Variants in ALG10B observed in about 807,000 individuals in gnomAD.
The protein encoded by ALG10B is ALG10 alpha-1,2-glucosyltransferase B.
A neutral mutation model predicts 38.7 loss-of-function variants in ALG10B; 27 were observed. The ratio of observed to expected loss-of-function variants is 0.70; its 90% CI spans 0.51 to 0.96. ALG10B has a LOEUF of 0.96. ALG10B is among the 40% of genes least tolerant of loss of function. The pLI, the probability that ALG10B is intolerant of heterozygous loss-of-function variation, is 0.00. For missense variants in ALG10B, 522 were observed against 542.7 expected (o/e 0.96, Z 0.38); for synonymous variants, 177 against 193.3 (o/e 0.92, Z 0.70).
At position 38,319,969 on chromosome 12, in the gene ALG10B, A is replaced by T. The variant is rs544609551; in HGVS notation, c.370-192A>T. Reference sequence around the variant, plus strand: ...GGTCTCCAAACTGATAGGTATAAATAAAAAGTACCAGGAAGTGTTCTTATA... The same window carrying T: ...GGTCTCCAAACTGATAGGTATAAATTAAAAGTACCAGGAAGTGTTCTTATA... On this transcript the variant is annotated intron_variant, in intron 2 of 2. Transcript: ENST00000308742. 7.9e-5 allele frequency among the ~76,000 whole-genome samples: 12 copies of T among 152,374 alleles called. No individual in the cohort carries two copies. The South Asian group carries it at 2.5e-3, about 32-fold the overall frequency.
In ALG10B at chr12:38,320,212, C is replaced by G; in HGVS notation, c.421C>G (p.Pro141Ala). Residue 141 changes from proline (P) to alanine (A), a missense_variant, in exon 3 of 3, where the codon CCA becomes GCA. Transcript: ENST00000308742. The part of the protein sequence containing the change: ...VLSTLTLAVF[P>A]TLYFFNFLYY... ...GTCAACATTAACACTAGCAGTATTT[C>G]CAACACTTTATTTTTTTAACTTCCT... 6.2e-7 allele frequency: 1 copy of G among 1,613,976 alleles called. No homozygotes were observed. The highest frequency in any genetic ancestry group is 1.1e-5 in the South Asian group (1 of 91,078).
chr12:38,317,686 A>G (rs1257979813), intron 1 of ALG10B: 2 of 175,046 alleles, frequency 1.1e-5, no homozygotes, highest in African/African-American at 4.8e-5. Context: ...CTGGCTAGAA[A>G]TATAAAGTCT....
Position 38,329,491 on chromosome 12 carries a change from G to A in ALG10B, c.*8278G>A. The A allele has an allele frequency of 9.1e-6, 3 of 328,206 alleles. No individual in the cohort carries two copies. The highest frequency in any genetic ancestry group is 1.6e-5 in the Non-Finnish European group (3 of 182,934). 20.3% of individuals were successfully genotyped at this position (328,206 alleles called of 1,614,324 possible). ...ACTTTAGATATTTGAAAAATTCTCT[G>A]TGGAATCACAATCTCTTATTTTTAA... On this transcript the variant is annotated 3_prime_UTR_variant, in exon 3 of 3. Coordinates refer to ENST00000308742, the MANE Select transcript of ALG10B (RefSeq NM_001013620.4).
At position 38,329,703 on chromosome 12, in the gene ALG10B, AAATTC is replaced by A. The variant is rs1186063987; in HGVS notation, c.*8492_*8496del. On this transcript the variant is annotated 3_prime_UTR_variant, in exon 3 of 3. Transcript: ENST00000308742. ...GCATGTTTTTATTTTGTTTCTAAAT[AAATTC>A]ATGTTTGATAATATTTTATAATGTG... The A allele has an allele frequency of 2.0e-5, 3 of 152,282 alleles. No homozygotes were observed. The highest frequency in any genetic ancestry group is 4.4e-5 in the Non-Finnish European group (3 of 68,202). The allele number at this position is 152,282 out of a possible 1,614,324, so 9.4% of individuals were successfully genotyped here. A position where few individuals can be genotyped will look rare whatever the true frequency, so the allele number is the denominator to read the frequency against.
chr12:38,318,831 G>A (rs1294446895), intron 2 of ALG10B, among the ~76,000 whole-genome samples: 1 of 152,154 alleles, frequency 6.6e-6, no homozygotes, highest in Non-Finnish European at 1.5e-5. Context: ...CTTTTGATGT[G>A]GTAATAGTGC....
In ALG10B at chr12:38,326,011, C is replaced by A. The variant is rs1320575675; in HGVS notation, c.*4798C>A. The A allele has an allele frequency of 3.3e-5, 5 of 152,024 alleles. No homozygotes were observed. The highest frequency in any genetic ancestry group is 1.2e-4 in the African/African-American group (5 of 41,418). The allele number at this position is 152,024 out of a possible 1,614,324, so 9.4% of individuals were successfully genotyped here. A position where few individuals can be genotyped will look rare whatever the true frequency, so the allele number is the denominator to read the frequency against. Reference sequence around the variant, plus strand: ...GTTTCATAATAAGAGTCATCCTAAACATTTTTCTGTGTAATTTTCTGACCC... The same window carrying A: ...GTTTCATAATAAGAGTCATCCTAAAAATTTTTCTGTGTAATTTTCTGACCC... On this transcript the variant is annotated 3_prime_UTR_variant, in exon 3 of 3. Transcript: ENST00000308742.
rs1945746024 is a variant in ALG10B at position 38,326,516 on chromosome 12, A to G, written c.*5303A>G. On this transcript the variant is annotated 3_prime_UTR_variant, in exon 3 of 3. Coordinates refer to ENST00000308742, the MANE Select transcript of ALG10B (RefSeq NM_001013620.4). ...CCTATTAAGGGTATAATTTCAAAAT[A>G]ATTGCTTTTTATTTAAAATAAGAAA... 2 of 87,360 alleles carry G rather than the reference A, an allele frequency of 2.3e-5. No homozygotes were observed. The highest frequency in any genetic ancestry group is 5.2e-4 in the East Asian group (1 of 1,924). 5.4% of individuals were successfully genotyped at this position (87,360 alleles called of 1,614,324 possible).
In ALG10B at chr12:38,320,833, C is replaced by G; in HGVS notation, c.1042C>G (p.Leu348Val). The stretch of plus-strand genomic sequence containing the variant: ...ATTCACTTATGCTCATAAATACTTG[C>G]TAGCAGACAATAGACATTATACTTT... Reference protein sequence around the residue: ...WKFTYAHKYLLADNRHYTFYV... With the variant: ...WKFTYAHKYLVADNRHYTFYV... Residue 348 changes from leucine (L) to valine (V), a missense_variant, in exon 3 of 3, where the codon CTA becomes GTA. Coordinates refer to ENST00000308742, the MANE Select transcript of ALG10B (RefSeq NM_001013620.4). The G allele has an allele frequency of 6.2e-7, 1 of 1,613,714 alleles. No homozygotes were observed. Among genetic ancestry groups the G allele is most frequent in the Non-Finnish European group, 8.5e-7 (1 of 1,179,866 alleles).
At chr12:38,318,486 T>A (rs367759246) in intron 2 of ALG10B, 28 bp downstream of exon 2, 4 of 1,596,050 alleles carry the variant, frequency 2.5e-6, no homozygotes, top group Non-Finnish European at 3.4e-6. Context: ...TAATTACAAG[T>A]TTATGTGTAG....
intron 1 of ALG10B, chr12:38,317,825 C>T (rs1945668597): frequency 4.5e-6 from 1 of 224,108 alleles, no homozygotes; most frequent in Non-Finnish European, 8.9e-6. Context: ...TACTATAGGG[C>T]ATATTGTAAT....
In ALG10B at chr12:38,318,421, T is replaced by G. The variant is rs765768323; in HGVS notation, c.332T>G (p.Leu111Arg). 7 of 1,614,212 alleles carry G rather than the reference T, an allele frequency of 4.3e-6. No homozygotes were observed. The highest frequency in any genetic ancestry group is 5.9e-6 in the Non-Finnish European group (7 of 1,180,024). ...LLFSVGNFYL[L>R]YLLFHKVQPR... The stretch of plus-strand genomic sequence containing the variant: ...TTCAGTGTTGGCAACTTCTATTTAC[T>G]ATATTTGCTTTTCCACAAGGTACAA... The change falls in exon 2 of 3, where the codon CTA becomes CGA. Residue 111 changes from leucine (L) to arginine (R), a missense_variant. Transcript: ENST00000308742.
At chr12:38,317,944 T>C in intron 1 of ALG10B, 1 of 385,012 alleles carries the variant, frequency 2.6e-6, no homozygotes, top group Non-Finnish European at 4.9e-6. Context: ...AAACAATGTT[T>C]CCATGCTTTT....
Position 38,320,394 on chromosome 12 carries a change from T to C in ALG10B, c.603T>C (p.Ile201=). The change falls in exon 3 of 3, where the codon ATT becomes ATC. Residue 201 remains isoleucine (I), a synonymous_variant. Transcript: ENST00000308742. ...CTGTCTTCTGTGCAGGGAATGTCAT[T>C]GCACAAAAGTTAACTGAGGCTTGGA... is the stretch of plus-strand genomic sequence containing the variant. The part of the protein sequence containing the change: ...IWAVFCAGNV[I]AQKLTEAWKT... The C allele has an allele frequency of 6.2e-7, 1 of 1,614,082 alleles. No individual in the cohort carries two copies. Among genetic ancestry groups the C allele is most frequent in the African/African-American group, 1.3e-5 (1 of 75,036 alleles).
Position 38,321,110 on chromosome 12 carries a change from A to C in ALG10B, c.1319A>C (p.Glu440Ala). 1 of 1,613,842 alleles carries C rather than the reference A, an allele frequency of 6.2e-7. No individual in the cohort carries two copies. The highest frequency in any genetic ancestry group is 1.1e-5 in the South Asian group (1 of 91,064). The change falls in exon 3 of 3, where the codon GAA (glutamate) becomes GCA (alanine). Residue 440 changes from glutamate to alanine, a missense_variant. Transcript: ENST00000308742. ...TLPPTSRLVC[E>A]LSCYAIVNFI... ...CCTCCCACATCCAGACTTGTTTGTG[A>C]ACTGAGTTGCTATGCAATTGTTAAT...
At chr12:38,317,973 A>G (rs963313750) in intron 1 of ALG10B, 1 of 428,120 alleles carries the variant, frequency 2.3e-6, no homozygotes, top group African/African-American at 2.0e-5. Flanking sequence ...GAGCATTTGC[A>G]GTTTATTTAT....
Position 38,320,863 on chromosome 12 carries a change from G to C in ALG10B, c.1072G>C (p.Val358Leu). The C allele has an allele frequency of 3.7e-6, 6 of 1,613,294 alleles. No individual in the cohort carries two copies. The highest frequency in any genetic ancestry group is 5.1e-6 in the Non-Finnish European group (6 of 1,179,782). Reference sequence around the variant, plus strand: ...AGACAATAGACATTATACTTTCTATGTGTGGAAAAGAGTTTTTCAAAGATA... The same window carrying C: ...AGACAATAGACATTATACTTTCTATCTGTGGAAAAGAGTTTTTCAAAGATA... ...LADNRHYTFYVWKRVFQRYAI... is the reference protein window; with the variant it reads ...LADNRHYTFYLWKRVFQRYAI... Residue 358 changes from valine (V) to leucine (L), a missense_variant, in exon 3 of 3, where the codon GTG (valine) becomes CTG (leucine). Transcript: ENST00000308742.
chr12:38,324,220 G>C lies in ALG10B; in HGVS notation c.*3007G>C, dbSNP rs1428415728. 6 of 326,798 alleles carry C rather than the reference G, an allele frequency of 1.8e-5. No homozygotes were observed. The highest frequency in any genetic ancestry group is 3.4e-5 in the Non-Finnish European group (6 of 177,564). 20.2% of individuals were successfully genotyped at this position (326,798 alleles called of 1,614,324 possible). ...GCTAATTTTTTCTATTTTTAGTAGA[G>C]CCGGGGTTTCACCGTGTTAGCCAGG... On this transcript the variant is annotated 3_prime_UTR_variant, in exon 3 of 3. Transcript: ENST00000308742.
rs1945741003 is a variant in ALG10B, at chr12:38,326,017, TC to T, written c.*4805del. 6.6e-6 allele frequency: 1 copy of T among 152,138 alleles called. No homozygotes were observed. The highest frequency in any genetic ancestry group is 1.5e-5 in the Non-Finnish European group (1 of 68,008). 9.4% of individuals were successfully genotyped at this position (152,138 alleles called of 1,614,324 possible). On this transcript the variant is annotated 3_prime_UTR_variant, in exon 3 of 3. Transcript: ENST00000308742. The stretch of plus-strand genomic sequence containing the variant: ...TAATAAGAGTCATCCTAAACATTTT[TC>T]TGTGTAATTTTCTGACCCAGTGTTA...
intron 1 of ALG10B, chr12:38,317,924 T>C (rs755414262): frequency 5.6e-6 from 2 of 354,454 alleles, no homozygotes; most frequent in Non-Finnish European, 1.1e-5. Flanking sequence ...TTTCCTAAAC[T>C]TAGAGTCCCA....
Sources: gnomAD v4.1 joint callset for allele counts (sites outside exome capture counted in the v4.1 genomes callset) on GRCh38, gnomAD v4.1.1 for gene constraint, MANE v1.5 for transcripts, NCBI Gene and HGNC (gene_info 2026-07-23, HGNC 2026-07-21) for gene names.